KSR2: variants seen among roughly 807,000 people sequenced by gnomAD.
KSR2 encodes the protein kinase suppressor of ras 2.
Under a neutral mutation model 107.8 loss-of-function variants are expected in KSR2, and 25 were observed. That is an observed-to-expected ratio of 0.23 (90% CI 0.17 to 0.32). The LOEUF (loss-of-function observed/expected upper bound fraction) is 0.32, where lower values mean the gene tolerates loss of function less well. Ranked by LOEUF, KSR2 falls within the 10% of genes least tolerant of loss-of-function variation. The pLI is 1.00. For missense variants in KSR2, 887 were observed against 1,268.9 expected (o/e 0.70, Z 4.57); for synonymous variants, 480 against 507.0 (o/e 0.95, Z 0.71).
chr12:117,889,624 C>T (rs561600971), intron 1 of KSR2: 4 of 152,162 alleles, frequency 2.6e-5, no homozygotes, highest in Admixed American at 6.5e-5. Context: ...TTCTTCCACC[C>T]TCCCCTTCAA....
chr12:117,725,537 A>G (rs1468137769), intron 4 of KSR2, among the ~76,000 whole-genome samples: 2 of 152,234 alleles, frequency 1.3e-5, no homozygotes. Context: ...AATTAATGTG[A>G]GATAGATAAT....
intron 5 of KSR2, among the ~76,000 whole-genome samples, chr12:117,637,682 T>TTTTTTG (rs1883173532): frequency 1.5e-5 from 2 of 130,664 alleles, no homozygotes; most frequent in South Asian, 2.8e-4. Flanking sequence ...TGGGTTTTTT[T>TTTTTTG]TTTTTTTTTT....
intron 1 of KSR2, among the ~76,000 whole-genome samples, chr12:117,958,271 A>G (rs564224327): frequency 2.0e-5 from 3 of 152,268 alleles, no homozygotes; most frequent in Admixed American, 1.3e-4. Context: ...AGACATCAAA[A>G]CACTCACACT....
At chr12:117,899,832 C>T (rs1057220051) in intron 1 of KSR2, among the ~76,000 whole-genome samples, 45 of 152,304 alleles carry the variant, frequency 3.0e-4, no homozygotes, top group Admixed American at 2.7e-3. Context: ...CAAACAGCCA[C>T]GTTGTGAACA....
chr12:117,923,118 C>T (rs1895394553), intron 1 of KSR2, among the ~76,000 whole-genome samples: 2 of 152,080 alleles, frequency 1.3e-5, no homozygotes, highest in Non-Finnish European at 1.5e-5. Flanking sequence ...CTGGAATGTG[C>T]CTTACAGAGA....
chr12:117,761,447 G>T lies in KSR2; in HGVS notation c.550C>A (p.Pro184Thr), dbSNP rs1237660087. ...ETGKENNPVC[P>T]PEPTPWIRTH... ...CGGATCCACGGGGTGGGCTCCGGGGGGCACACGGGATTGTTCTCCTTCCCC... is the reference window on the plus strand; with the variant it reads ...CGGATCCACGGGGTGGGCTCCGGGGTGCACACGGGATTGTTCTCCTTCCCC... Residue 184 changes from proline to threonine, a missense_variant, in exon 4 of 20, where the codon CCC (proline) becomes ACC (threonine). By Grantham distance (38) the Pro-to-Thr change is conservative (BLOSUM62 -1). Transcript: ENST00000339824. 1.2e-6 allele frequency: 2 copies of T among 1,613,000 alleles called. No homozygotes were observed. The highest frequency in any genetic ancestry group is 4.5e-5 in the East Asian group (2 of 44,852).
In KSR2 at chr12:117,901,199, A is replaced by G. The variant is rs76665455; in HGVS notation, c.181-40768T>C. Among the ~76,000 whole-genome samples, 1,453 of 152,346 alleles carry G rather than the reference A, an allele frequency of 9.5e-3. 22 individuals carry two copies. Among genetic ancestry groups the G allele is most frequent in the African/African-American group, 0.033 (1,378 of 41,564 alleles). On this transcript the variant is annotated intron_variant, in intron 1 of 19. Transcript: ENST00000339824. ...GAGGCTGCCAAAAAAACGCAGGAATATGATAAATAAACAATAAAGTAGACA... is the reference window on the plus strand; with the variant it reads ...GAGGCTGCCAAAAAAACGCAGGAATGTGATAAATAAACAATAAAGTAGACA...
In KSR2 at chr12:117,661,448, AAG is replaced by A. The variant is rs1464812655; in HGVS notation, c.1171+6024_1171+6025del. On this transcript the variant is annotated intron_variant, in intron 5 of 19. Transcript: ENST00000339824. ...AAAATTAGAGAGAGAGAAAGAAAGA[AAG>A]AGGGAGAGAAAAAAGCAAATGCAGG... 4.6e-5 allele frequency among the ~76,000 whole-genome samples: 7 copies of A among 152,272 alleles called. No individual in the cohort carries two copies. The East Asian group carries it at 1.4e-3, about 29-fold the overall frequency.
intron 1 of KSR2, among the ~76,000 whole-genome samples, chr12:117,908,385 G>A (rs957004575): frequency 2.0e-5 from 3 of 151,568 alleles, no homozygotes; most frequent in Admixed American, 1.3e-4. Context: ...ATGCATAAAC[G>A]CACCCCCACC....
Position 117,462,757 on chromosome 12 carries a change from G to A in KSR2, c.*4442C>T, listed in dbSNP as rs1052133882. Reference sequence around the variant, plus strand: ...GGGATGGATGGGTGAAGTGAAGGTAGGCACAGGATGAGGATAGGGAGGGCA... The same window carrying A: ...GGGATGGATGGGTGAAGTGAAGGTAAGCACAGGATGAGGATAGGGAGGGCA... On this transcript the variant is annotated 3_prime_UTR_variant, in exon 20 of 20. Coordinates refer to ENST00000339824, the MANE Select transcript of KSR2 (RefSeq NM_173598.6). 6.6e-6 allele frequency: 1 copy of A among 152,256 alleles called. No homozygotes were observed. Among genetic ancestry groups the A allele is most frequent in the Non-Finnish European group, 1.5e-5 (1 of 68,084 alleles). The allele number at this position is 152,256 out of a possible 1,614,324, so 9.4% of individuals were successfully genotyped here.
chr12:117,672,889 A>G (rs12308097), intron 4 of KSR2, among the ~76,000 whole-genome samples: 40,724 of 152,192 alleles, frequency 0.27, 5,659 homozygotes, highest in Admixed American at 0.35. Context: ...TCGGCCTCCC[A>G]AAGTGCTGGG....
chr12:117,481,733 C>T (rs1430550347), intron 16 of KSR2, among the ~76,000 whole-genome samples: 2 of 152,156 alleles, frequency 1.3e-5, no homozygotes, highest in Non-Finnish European at 2.9e-5. Flanking sequence ...AGATACTGGC[C>T]CTGCTTCCTG....
chr12:117,571,909 T>G (rs942156323), intron 7 of KSR2, among the ~76,000 whole-genome samples: 2 of 152,068 alleles, frequency 1.3e-5, no homozygotes, highest in African/African-American at 4.8e-5. Context: ...CTTGGGATGA[T>G]GAGAGCCTGA....
At chr12:117,683,269 A>T (rs549934164) in intron 4 of KSR2, among the ~76,000 whole-genome samples, 25 of 152,218 alleles carry the variant, frequency 1.6e-4, no homozygotes, top group African/African-American at 4.8e-4. Context: ...TTTTTGTCAA[A>T]GGAAAAAAAT....
intron 1 of KSR2, among the ~76,000 whole-genome samples, chr12:117,891,680 C>A (rs1894346621): frequency 6.6e-6 from 1 of 151,730 alleles, no homozygotes; most frequent in South Asian, 2.1e-4. Context: ...ACCAACCAAC[C>A]AAACAAACAA....
intron 5 of KSR2, among the ~76,000 whole-genome samples, chr12:117,607,997 G>C (rs1037877154): frequency 6.6e-6 from 1 of 152,176 alleles, no homozygotes; most frequent in Non-Finnish European, 1.5e-5. Flanking sequence ...GCCCCACATG[G>C]GGTCAACTCA....
chr12:117,932,244 G>A (rs980672885), intron 1 of KSR2, among the ~76,000 whole-genome samples: 1 of 152,090 alleles, frequency 6.6e-6, no homozygotes, highest in African/African-American at 2.4e-5. Flanking sequence ...CTGAGATAGT[G>A]CCACTGCACT....
intron 17 of KSR2, among the ~76,000 whole-genome samples, chr12:117,475,600 G>C (rs1440430105): frequency 6.6e-6 from 1 of 152,124 alleles, no homozygotes; most frequent in Admixed American, 6.6e-5. Context: ...TCTCAGAATA[G>C]CATTTATCAT....
At chr12:117,828,634 T>C (rs544238329) in intron 3 of KSR2, among the ~76,000 whole-genome samples, 2 of 152,322 alleles carry the variant, frequency 1.3e-5, no homozygotes, top group East Asian at 3.9e-4. Context: ...GGCCAGGCTG[T>C]CCTGAGTTAC....
Sources: allele counts gnomAD v4.1 joint callset (sites outside exome capture counted in the v4.1 genomes callset), GRCh38; gene constraint gnomAD v4.1.1; transcripts MANE v1.5; gene names NCBI Gene and HGNC (gene_info 2026-07-23, HGNC 2026-07-21).